Variants in MIPEP observed in about 807,000 individuals in gnomAD.
MIPEP encodes mitochondrial intermediate peptidase.
In MIPEP, 79 loss-of-function variants were observed where a neutral mutation model predicts 90.3. That is an observed-to-expected ratio of 0.87 (90% CI 0.73 to 1.05). The LOEUF is 1.05. Ranked by LOEUF, MIPEP falls within the 50% of genes least tolerant of loss-of-function variation. The pLI, the probability that MIPEP is intolerant of heterozygous loss-of-function variation, is 0.00. For synonymous variants in MIPEP, 334 were observed against 315.8 expected (o/e 1.06, Z -0.61); for missense variants, 940 against 905.6 (o/e 1.04, Z -0.49).
chr13:23,858,054 C>T (rs1163704842), intron 10 of MIPEP, among the ~76,000 whole-genome samples: 2 of 151,974 alleles, frequency 1.3e-5, no homozygotes, highest in African/African-American at 4.8e-5. Flanking sequence ...ACTTAAACAG[C>T]ATATCTCAAA....
intron 18 of MIPEP, among the ~76,000 whole-genome samples, chr13:23,736,636 C>A (rs980102930): frequency 1.3e-5 from 2 of 152,116 alleles, no homozygotes; most frequent in South Asian, 2.1e-4. Context: ...CCTCTTCTTC[C>A]GAGTGACTGC....
chr13:23,782,972 C>T (rs1244585235), intron 16 of MIPEP, among the ~76,000 whole-genome samples: 3 of 152,120 alleles, frequency 2.0e-5, no homozygotes, highest in Non-Finnish European at 2.9e-5. Flanking sequence ...TAATAGCCTA[C>T]CAACCAAAAA....
chr13:23,772,268 T>G (rs1360234190), intron 16 of MIPEP, among the ~76,000 whole-genome samples: 1 of 151,832 alleles, frequency 6.6e-6, no homozygotes, highest in Non-Finnish European at 1.5e-5. Flanking sequence ...TTGTCTCATC[T>G]GAAGAATTTC....
At chr13:23,753,992 C>A (rs532182750) in intron 18 of MIPEP, among the ~76,000 whole-genome samples, 45 of 152,092 alleles carry the variant, frequency 3.0e-4, no homozygotes, top group Admixed American at 7.9e-4. Flanking sequence ...AGTTTGAAGG[C>A]AGGTGTTCTA....
At chr13:23,874,983 A>G (rs1020963901) in intron 4 of MIPEP, 74 bp from the exon 5 acceptor site, 6 of 1,301,896 alleles carry the variant, frequency 4.6e-6, no homozygotes, top group Non-Finnish European at 6.4e-6. Context: ...TTTTTTGTTA[A>G]ATAAATAAGT....
chr13:23,864,564 C>T lies in MIPEP; in HGVS notation c.944-375G>A, dbSNP rs189682215. Among the ~76,000 whole-genome samples the T allele has an allele frequency of 5.2e-4, 79 of 151,880 alleles. 1 individual carries two copies. The highest frequency in any genetic ancestry group is 1.2e-3 in the East Asian group (6 of 5,160). ...CAGCAAGGCCAACAGGCTGAAACCC[C>T]GTCTCTACCAAAAATACAAAAATTA... On this transcript the variant is annotated intron_variant, in intron 7 of 18. Transcript: ENST00000382172.
intron 16 of MIPEP, among the ~76,000 whole-genome samples, chr13:23,805,342 A>T (rs975037749): frequency 7.2e-5 from 11 of 152,234 alleles, no homozygotes; most frequent in African/African-American, 2.7e-4. Flanking sequence ...AGATGATCTC[A>T]GACAGGACAT....
At chr13:23,767,219 C>G (rs1159973426) in intron 16 of MIPEP, among the ~76,000 whole-genome samples, 1 of 152,208 alleles carries the variant, frequency 6.6e-6, no homozygotes, top group African/African-American at 2.4e-5. Flanking sequence ...GCACAGCAAG[C>G]AGCTACACTG....
Position 23,889,195 on chromosome 13 carries a change from G to A in MIPEP, c.126C>T (p.Pro42=), listed in dbSNP as rs576277173. Reference sequence around the variant, plus strand: ...GCTTGACATTGAAGGCGGCGCCCACGGGAGACCAGCTGGTGCTGACCCTTC... The same window carrying A: ...GCTTGACATTGAAGGCGGCGCCCACAGGAGACCAGCTGGTGCTGACCCTTC... The part of the protein sequence containing the change: ...RARRVSTSWS[P]VGAAFNVKPQ... Residue 42 remains proline, a synonymous_variant, in exon 1 of 19, where the codon CCC becomes CCT. Coordinates refer to ENST00000382172, the MANE Select transcript of MIPEP (RefSeq NM_005932.4). The A allele has an allele frequency of 3.3e-5, 49 of 1,466,288 alleles. No homozygotes were observed. In the South Asian group the frequency reaches 5.5e-4, roughly 17 times the overall value. The allele number at this position is 1,466,288 out of a possible 1,614,324, so 90.8% of individuals were successfully genotyped here. A position where few individuals can be genotyped will look rare whatever the true frequency, so the allele number is the denominator to read the frequency against.
At chr13:23,745,384 GA>G (rs1241190885) in intron 18 of MIPEP, among the ~76,000 whole-genome samples, 2 of 152,158 alleles carry the variant, frequency 1.3e-5, no homozygotes, top group East Asian at 3.9e-4. Context: ...GCTCTTTCAG[GA>G]AACAGTCCAG....
intron 18 of MIPEP, among the ~76,000 whole-genome samples, chr13:23,749,922 C>T (rs1952423025): frequency 6.6e-6 from 1 of 152,102 alleles, no homozygotes; most frequent in African/African-American, 2.4e-5. Flanking sequence ...TCATTTTGTG[C>T]CTAATACTCC....
chr13:23,837,303 T>C (rs565714204), intron 13 of MIPEP, among the ~76,000 whole-genome samples: 1 of 152,150 alleles, frequency 6.6e-6, no homozygotes, highest in Admixed American at 6.5e-5. Flanking sequence ...CACTGTAAAA[T>C]GTAAAAAGGG....
chr13:23,757,153 G>A (rs1162924359), intron 17 of MIPEP, among the ~76,000 whole-genome samples: 1 of 152,038 alleles, frequency 6.6e-6, no homozygotes, highest in Non-Finnish European at 1.5e-5. Context: ...ACCATCCAGG[G>A]GTGATGGGAG....
At chr13:23,839,952 C>A (rs2296570) in intron 11 of MIPEP, among the ~76,000 whole-genome samples, 31,803 of 152,120 alleles carry the variant, frequency 0.21, 3,991 homozygotes, top group East Asian at 0.46. Flanking sequence ...GACAGGAAAT[C>A]CTCCTCATGA....
At chr13:23,780,599 A>G (rs549234991) in intron 16 of MIPEP, among the ~76,000 whole-genome samples, 9 of 152,382 alleles carry the variant, frequency 5.9e-5, no homozygotes, top group African/African-American at 2.2e-4. Context: ...ATAAAGCTGG[A>G]TGGAGAATGA....
At chr13:23,798,991 AT>A (rs1196838588) in intron 16 of MIPEP, among the ~76,000 whole-genome samples, 1 of 127,754 alleles carries the variant, frequency 7.8e-6, no homozygotes, top group African/African-American at 2.9e-5. Flanking sequence ...AATTAGAATA[AT>A]TTTTTTGGTT....
rs1463720810 is a variant in MIPEP, at chr13:23,732,089, A to C, written c.2045-1644T>G. ...ACTGCAGCCTCGACTTCCCAGGCTG[A>C]AGTGATCCTCCCGTCTCAGCTTGAG... is the stretch of plus-strand genomic sequence containing the variant. On this transcript the variant is annotated intron_variant, in intron 18 of 18. Coordinates refer to ENST00000382172, the MANE Select transcript of MIPEP (RefSeq NM_005932.4). Among the ~76,000 whole-genome samples the C allele has an allele frequency of 2.0e-5, 3 of 150,184 alleles. No individual in the cohort carries two copies. The Admixed American group carries it at 2.0e-4, about 10-fold the overall frequency.
In MIPEP at chr13:23,781,954, G is replaced by A. The variant is rs1952787415; in HGVS notation, c.1849-21737C>T. 2.0e-5 allele frequency among the ~76,000 whole-genome samples: 3 copies of A among 152,130 alleles called. No homozygotes were observed. The South Asian group carries it at 6.3e-4, about 32-fold the overall frequency. On this transcript the variant is annotated intron_variant, in intron 16 of 18. Transcript: ENST00000382172. Reference sequence around the variant, plus strand: ...ATACAGGAGCACCCAGATTCATAAAGCAAGTCCTTAGAGATCTACAAAGAG... The same window carrying A: ...ATACAGGAGCACCCAGATTCATAAAACAAGTCCTTAGAGATCTACAAAGAG...
In MIPEP at chr13:23,889,388, G is replaced by C. The variant is rs1485929128; in HGVS notation, c.-68C>G. The C allele has an allele frequency of 7.3e-6, 9 of 1,224,750 alleles. No homozygotes were observed. The highest frequency in any genetic ancestry group is 1.6e-5 in the African/African-American group (1 of 64,296). The allele number at this position is 1,224,750 out of a possible 1,614,324, so 75.9% of individuals were successfully genotyped here. ...CCTGCTGCTTTCGCTGGGAGCGCGCGCTCCGCGTTTCCAAGGCAGCAGCCC... is the reference window on the plus strand; with the variant it reads ...CCTGCTGCTTTCGCTGGGAGCGCGCCCTCCGCGTTTCCAAGGCAGCAGCCC... On this transcript the variant is annotated 5_prime_UTR_variant, in exon 1 of 19. Transcript: ENST00000382172.
Sources: gnomAD v4.1 joint callset for allele counts (sites outside exome capture counted in the v4.1 genomes callset) on GRCh38, gnomAD v4.1.1 for gene constraint, MANE v1.5 for transcripts, NCBI Gene and HGNC (gene_info 2026-07-23, HGNC 2026-07-21) for gene names.